RGPD2: variants seen among roughly 807,000 people sequenced by gnomAD.
RGPD2 encodes the protein RANBP2-like and GRIP domain-containing protein 2.
A neutral mutation model predicts 36.0 loss-of-function variants in RGPD2; 2 were observed. That is an observed-to-expected ratio of 0.06 (90% CI 0.02 to 0.17). The LOEUF is 0.17. RGPD2 is among the 10% of genes least tolerant of loss of function. The pLI is 1.00. For missense variants in RGPD2, 40 were observed against 464.3 expected, an observed-to-expected ratio of 0.09 and a Z score of 8.40; for synonymous variants, 19 against 163.8, an observed-to-expected ratio of 0.12 and a Z score of 6.75.
chr2:87,911,591 T>G, the RGPD2 span, among the ~76,000 whole-genome samples: 3 of 152,000 alleles, frequency 2.0e-5, no homozygotes, highest in Admixed American at 2.0e-4. Context: ...CAGGATTATG[T>G]ACTATTGATT....
chr2:87,945,283 T>G, the RGPD2 span, among the ~76,000 whole-genome samples: 2 of 152,174 alleles, frequency 1.3e-5, no homozygotes, highest in Admixed American at 6.5e-5. Context: ...AATCTACATA[T>G]ATCAACATCG....
the RGPD2 span, among the ~76,000 whole-genome samples, chr2:87,947,544 C>T: frequency 1.3e-5 from 2 of 152,268 alleles, no homozygotes; most frequent in South Asian, 2.1e-4. Flanking sequence ...CCCAAGAAAG[C>T]TATAAACACT....
the RGPD2 span, among the ~76,000 whole-genome samples, chr2:87,866,740 C>A: frequency 6.6e-6 from 1 of 151,932 alleles, no homozygotes; most frequent in South Asian, 2.1e-4. Flanking sequence ...TTTGCAATGG[C>A]CATGCAGGGT....
At chr2:87,877,936 C>G in the RGPD2 span, among the ~76,000 whole-genome samples, 48 of 150,648 alleles carry the variant, frequency 3.2e-4, no homozygotes, top group South Asian at 1.0e-2. Context: ...GTGACCTGGA[C>G]TTTCTCTCCA....
chr2:87,961,746 G>T, the RGPD2 span, among the ~76,000 whole-genome samples: 4 of 146,886 alleles, frequency 2.7e-5, no homozygotes, highest in Non-Finnish European at 6.0e-5. Context: ...TCAGTCCTGC[G>T]GGTGGAACAC....
the RGPD2 span, among the ~76,000 whole-genome samples, chr2:87,856,708 C>G: frequency 6.6e-6 from 1 of 152,186 alleles, no homozygotes. Flanking sequence ...TCTAACATCA[C>G]TTCCCTAAAA....
At chr2:87,772,813 G>A (rs1685167685) in intron 21 of RGPD2, among the ~76,000 whole-genome samples, 1 of 150,702 alleles carries the variant, frequency 6.6e-6, no homozygotes, top group African/African-American at 2.4e-5. Context: ...AGTCAGTCCA[G>A]CAGCTTACCA....
the RGPD2 span, among the ~76,000 whole-genome samples, chr2:87,857,779 A>AT: frequency 1.5e-5 from 2 of 130,200 alleles, no homozygotes; most frequent in East Asian, 2.2e-4. Flanking sequence ...TCTACTAAAA[A>AT]AAAAAAAAAA....
chr2:87,964,819 T>A, the RGPD2 span, among the ~76,000 whole-genome samples: 92 of 71,152 alleles, frequency 1.3e-3, no homozygotes, highest in African/African-American at 2.8e-3. Context: ...TTATTTATTT[T>A]TCTTTTTGAG....
chr2:87,897,517 T>A, the RGPD2 span, among the ~76,000 whole-genome samples: 4 of 152,288 alleles, frequency 2.6e-5, no homozygotes, highest in South Asian at 8.3e-4. Context: ...AATGTGCAGG[T>A]TTGTTACATA....
the RGPD2 span, among the ~76,000 whole-genome samples, chr2:87,894,605 GAGGAAAC>G: frequency 6.6e-6 from 1 of 152,140 alleles, no homozygotes; most frequent in South Asian, 2.1e-4. Flanking sequence ...TATAACCTGC[GAGGAAAC>G]AGCAATTAGC....
chr2:87,915,411 G>GTA, the RGPD2 span, among the ~76,000 whole-genome samples: 1 of 134,082 alleles, frequency 7.5e-6, no homozygotes, highest in Non-Finnish European at 1.6e-5. Context: ...TATATATATT[G>GTA]TATATATGTA....
the RGPD2 span, among the ~76,000 whole-genome samples, chr2:87,879,441 C>T: frequency 1.4e-5 from 2 of 145,662 alleles, no homozygotes; most frequent in African/African-American, 5.1e-5. Flanking sequence ...TAACCATCCT[C>T]ACATCCCCCC....
At chr2:87,847,285 A>G in the RGPD2 span, among the ~76,000 whole-genome samples, 194 of 152,346 alleles carry the variant, frequency 1.3e-3, no homozygotes, top group Non-Finnish European at 2.3e-3. Flanking sequence ...ATCTATATTC[A>G]AATCTCATTG....
chr2:87,958,162 A>G, the RGPD2 span, among the ~76,000 whole-genome samples: 2 of 152,006 alleles, frequency 1.3e-5, no homozygotes, highest in Non-Finnish European at 2.9e-5. Context: ...AACTCTAAAC[A>G]GACTCTATTT....
At chr2:87,918,001 T>G in the RGPD2 span, among the ~76,000 whole-genome samples, 1 of 115,600 alleles carries the variant, frequency 8.7e-6, no homozygotes, top group Non-Finnish European at 1.8e-5. Flanking sequence ...ACTTTTCACA[T>G]AGAACTCAAA....
At chr2:87,938,132 T>A in the RGPD2 span, among the ~76,000 whole-genome samples, 1 of 151,688 alleles carries the variant, frequency 6.6e-6, no homozygotes, top group Non-Finnish European at 1.5e-5. Context: ...ATAATTTTTT[T>A]AAAGATGTAA....
chr2:87,855,354 A>G, the RGPD2 span, among the ~76,000 whole-genome samples: 1 of 150,716 alleles, frequency 6.6e-6, no homozygotes. Context: ...ACCAACGATG[A>G]TTGAGAGCTC....
chr2:87,838,083 A>T, the RGPD2 span, among the ~76,000 whole-genome samples: 1 of 152,022 alleles, frequency 6.6e-6, no homozygotes, highest in Admixed American at 6.6e-5. Flanking sequence ...AAAGCTGATC[A>T]ACCAGAAGAA....
Sources: allele counts gnomAD v4.1 joint callset (sites outside exome capture counted in the v4.1 genomes callset), GRCh38; gene constraint gnomAD v4.1.1; transcripts MANE v1.5; gene names NCBI Gene and HGNC (gene_info 2026-07-23, HGNC 2026-07-21).